LCLAT1: variants seen among roughly 807,000 people sequenced by gnomAD.
The protein encoded by LCLAT1 is 1-AGP acyltransferase 8.
In LCLAT1, 11 loss-of-function variants were observed where a neutral mutation model predicts 30.7. That is an observed-to-expected ratio of 0.36 (90% CI 0.23 to 0.59). LCLAT1 has a LOEUF of 0.59. LCLAT1 is among the 20% of genes least tolerant of loss of function. The pLI, the probability that LCLAT1 is intolerant of heterozygous loss-of-function variation, is 0.77. For synonymous variants in LCLAT1, 155 were observed against 151.3 expected (o/e 1.02, Z -0.18); for missense variants, 402 against 458.6 (o/e 0.88, Z 1.13).
At chr2:30,610,901 A>G (rs1213454975) in intron 5 of LCLAT1, among the ~76,000 whole-genome samples, 6 of 151,842 alleles carry the variant, frequency 4.0e-5, no homozygotes, top group Non-Finnish European at 5.9e-5. Context: ...AACTGTTATT[A>G]TTTCCTCACC....
Position 30,640,463 on chromosome 2 carries a change from C to T in LCLAT1, c.975C>T (p.Leu325=), listed in dbSNP as rs1209535862. ...TGTTCAGCCCTGCAATGTGCCTACT[C>T]ATATATTTGTACAGTCTTGTTAAGT... is the stretch of plus-strand genomic sequence containing the variant. The part of the protein sequence containing the change: ...WTLFSPAMCL[L]IYLYSLVKWY... Residue 325 remains leucine (L), a synonymous_variant, in exon 6 of 6, where the codon CTC becomes CTT. Transcript: ENST00000379509. 1.2e-6 allele frequency: 2 copies of T among 1,614,106 alleles called. No homozygotes were observed. Among genetic ancestry groups the T allele is most frequent in the Admixed American group, 1.7e-5 (1 of 60,030 alleles).
chr2:30,560,270 C>T (rs921270102), intron 3 of LCLAT1, among the ~76,000 whole-genome samples: 4 of 148,334 alleles, frequency 2.7e-5, no homozygotes, highest in African/African-American at 1.0e-4. Flanking sequence ...CTTACCCAGG[C>T]CAAATAAAGT....
intron 4 of LCLAT1, among the ~76,000 whole-genome samples, chr2:30,562,980 T>C (rs1250711047): frequency 6.6e-6 from 1 of 152,186 alleles, no homozygotes; most frequent in Non-Finnish European, 1.5e-5. Flanking sequence ...TCAAGAAAAC[T>C]CAGCCATCAT....
chr2:30,535,615 A>C (rs1470496648), intron 3 of LCLAT1, among the ~76,000 whole-genome samples: 1 of 152,240 alleles, frequency 6.6e-6, no homozygotes, highest in African/African-American at 2.4e-5. Flanking sequence ...ACCAAAGTCA[A>C]GGCACCCTAC....
At chr2:30,494,366 G>A (rs1479820584) in intron 1 of LCLAT1, among the ~76,000 whole-genome samples, 1 of 152,092 alleles carries the variant, frequency 6.6e-6, no homozygotes, top group Non-Finnish European at 1.5e-5. Context: ...AGGCTTTTAG[G>A]CTTATTTTTG....
intron 3 of LCLAT1, among the ~76,000 whole-genome samples, chr2:30,548,555 T>A (rs1044730316): frequency 6.6e-6 from 1 of 152,130 alleles, no homozygotes; most frequent in Non-Finnish European, 1.5e-5. Flanking sequence ...GAGACCAGGT[T>A]TTTTTGTGCA....
intron 1 of LCLAT1, among the ~76,000 whole-genome samples, chr2:30,497,602 C>T (rs1684182130): frequency 6.6e-6 from 1 of 152,070 alleles, no homozygotes; most frequent in African/African-American, 2.4e-5. Flanking sequence ...GGACTTAATG[C>T]TTTTGCTTAA....
chr2:30,460,803 A>G (rs766920614), intron 1 of LCLAT1, among the ~76,000 whole-genome samples: 12 of 152,160 alleles, frequency 7.9e-5, no homozygotes, highest in Non-Finnish European at 5.9e-5. Flanking sequence ...CAGTGACTAG[A>G]TAGCAGAGCC....
At chr2:30,623,302 C>A (rs1455066255) in intron 5 of LCLAT1, among the ~76,000 whole-genome samples, 1 of 152,122 alleles carries the variant, frequency 6.6e-6, no homozygotes, top group Non-Finnish European at 1.5e-5. Flanking sequence ...GATCCACCCG[C>A]CTTGGCCTCC....
intron 3 of LCLAT1, among the ~76,000 whole-genome samples, chr2:30,555,628 CTT>C (rs1309297675): frequency 6.6e-6 from 1 of 151,898 alleles, no homozygotes; most frequent in Admixed American, 6.6e-5. Context: ...AAACTAAACT[CTT>C]TAATTAGTGA....
At chr2:30,567,988 T>G (rs1016523580) in intron 4 of LCLAT1, 72 bp from the exon 5 acceptor site, 38 of 742,022 alleles carry the variant, frequency 5.1e-5, no homozygotes, top group South Asian at 3.7e-5. Context: ...CAAAAAAAAT[T>G]CTGCACTTCT....
At chr2:30,521,654 G>A (rs1277834455) in intron 1 of LCLAT1, among the ~76,000 whole-genome samples, 10 of 151,320 alleles carry the variant, frequency 6.6e-5, no homozygotes, top group South Asian at 4.2e-4. Context: ...TTACAGGCAC[G>A]CGCCACCATG....
At chr2:30,448,668 T>C (rs1681389776) in intron 1 of LCLAT1, among the ~76,000 whole-genome samples, 1 of 152,224 alleles carries the variant, frequency 6.6e-6, no homozygotes. Context: ...ACCAGGTCTT[T>C]AGGCTGGCTG....
intron 5 of LCLAT1, 145 bp downstream of exon 5, chr2:30,568,321 A>G (rs536861839): frequency 3.9e-5 from 20 of 519,028 alleles, no homozygotes; most frequent in East Asian, 6.5e-5. Context: ...AAGTTGGCCT[A>G]TGTACTAAAA....
intron 3 of LCLAT1, 95 bp from the exon 4 acceptor site, chr2:30,562,051 T>C (rs953125048): frequency 2.6e-6 from 2 of 776,206 alleles, no homozygotes; most frequent in Non-Finnish European, 3.9e-6. Context: ...ATAAATAATA[T>C]ATAGTAAAAC....
At chr2:30,525,169 A>T (rs530844633) in intron 1 of LCLAT1, among the ~76,000 whole-genome samples, 2 of 151,884 alleles carry the variant, frequency 1.3e-5, no homozygotes, top group South Asian at 4.2e-4. Context: ...CAGTGGTGCG[A>T]TCTTGGCTCA....
intron 1 of LCLAT1, among the ~76,000 whole-genome samples, chr2:30,487,452 T>C (rs544153598): frequency 1.3e-5 from 2 of 152,346 alleles, no homozygotes; most frequent in African/African-American, 4.8e-5. Context: ...CTCTCTCCCT[T>C]TTTCCCTTCT....
intron 5 of LCLAT1, among the ~76,000 whole-genome samples, chr2:30,594,497 C>T (rs1406613435): frequency 2.0e-5 from 3 of 152,016 alleles, no homozygotes; most frequent in Non-Finnish European, 4.4e-5. Context: ...GGTTTGTTTT[C>T]TTAATTTGCA....
rs149169353 is a variant in LCLAT1 at position 30,479,376 on chromosome 2, C to T, written c.-5+31993C>T. 5.4e-3 allele frequency among the ~76,000 whole-genome samples: 822 copies of T among 152,054 alleles called. 7 individuals carry two copies. Among genetic ancestry groups the T allele is most frequent in the Non-Finnish European group, 9.1e-3 (618 of 67,942 alleles). ...TCCCAAGTAGTTGGGACCACAGGCTCATGTCGCCATCCCCATCTGTGGAGG... is the reference window on the plus strand; with the variant it reads ...TCCCAAGTAGTTGGGACCACAGGCTTATGTCGCCATCCCCATCTGTGGAGG... On this transcript the variant is annotated intron_variant, in intron 1 of 5. Transcript: ENST00000379509.
Sources: gnomAD v4.1 joint callset for allele counts (sites outside exome capture counted in the v4.1 genomes callset) on GRCh38, gnomAD v4.1.1 for gene constraint, MANE v1.5 for transcripts, NCBI Gene and HGNC (gene_info 2026-07-23, HGNC 2026-07-21) for gene names.